The following NTN1 variants were observed in gnomAD, a reference collection of about 807,000 sequenced individuals.
NTN1 encodes the protein netrin 1.
In NTN1, 11 loss-of-function variants were observed where a neutral mutation model predicts 54.2. That is an observed-to-expected ratio of 0.20 (90% CI 0.13 to 0.34). The LOEUF is 0.34. NTN1 is among the 10% of genes least tolerant of loss of function. NTN1 has a pLI of 1.00. For missense variants in NTN1, 740 were observed against 893.1 expected (o/e 0.83, Z 2.18); for synonymous variants, 371 against 382.0 (o/e 0.97, Z 0.33).
At chr17:9,014,067 C>A in the NTN1 span, among the ~76,000 whole-genome samples, 2 of 152,194 alleles carry the variant, frequency 1.3e-5, no homozygotes, top group African/African-American at 4.8e-5. Context: ...GAGTTCTCAG[C>A]CAAGACACCT....
At chr17:9,056,404 G>T (rs1429833553) in intron 2 of NTN1, among the ~76,000 whole-genome samples, 4 of 152,210 alleles carry the variant, frequency 2.6e-5, no homozygotes, top group African/African-American at 7.2e-5. Flanking sequence ...CATCTTGTGG[G>T]CACGGTGAGG....
chr17:9,138,671 TG>T (rs2092288635), intron 2 of NTN1, among the ~76,000 whole-genome samples: 1 of 151,730 alleles, frequency 6.6e-6, no homozygotes, highest in East Asian at 1.9e-4. Context: ...GAGGCAGGGG[TG>T]GGGCAGACAG....
At position 9,034,529 on chromosome 17, in the gene NTN1, T is replaced by G. The variant is rs2091897379; in HGVS notation, c.1018+11138T>G. ...CCTCCGCCTCTCAGATTCAAGATAT[T>G]CTCCTACCTCAGCCTCCCGAGTAGC... On this transcript the variant is annotated intron_variant, in intron 2 of 6. Transcript: ENST00000173229. Among the ~76,000 whole-genome samples the G allele has an allele frequency of 3.3e-5, 5 of 151,172 alleles. No homozygotes were observed. In the Admixed American group the frequency reaches 3.3e-4, roughly 10 times the overall value.
At chr17:9,109,570 T>G (rs1431975821) in intron 2 of NTN1, among the ~76,000 whole-genome samples, 2 of 152,234 alleles carry the variant, frequency 1.3e-5, no homozygotes, top group African/African-American at 4.8e-5. Flanking sequence ...TTTTTCCTAT[T>G]ATAAACATTG....
intron 2 of NTN1, among the ~76,000 whole-genome samples, chr17:9,037,220 C>T (rs2091906259): frequency 6.6e-6 from 1 of 152,182 alleles, no homozygotes; most frequent in African/African-American, 2.4e-5. Flanking sequence ...TGTATGTTCT[C>T]TTCAATATCT....
chr17:9,080,607 G>A (rs2092067427), intron 2 of NTN1, among the ~76,000 whole-genome samples: 1 of 152,210 alleles, frequency 6.6e-6, no homozygotes, highest in South Asian at 2.1e-4. Context: ...TTGGTGGCTG[G>A]CAGCCTCCAG....
chr17:9,222,453 C>T (rs1474007023), intron 6 of NTN1, among the ~76,000 whole-genome samples: 1 of 152,238 alleles, frequency 6.6e-6, no homozygotes, highest in Non-Finnish European at 1.5e-5. Flanking sequence ...CATTGCTTAC[C>T]TGAGCCTCAG....
intron 2 of NTN1, among the ~76,000 whole-genome samples, chr17:9,102,385 T>TAA (rs138474896): frequency 1.7e-4 from 26 of 152,142 alleles, no homozygotes; most frequent in Non-Finnish European, 1.8e-4. Flanking sequence ...GGAAGCCCCT[T>TAA]AAAAAACCAT....
chr17:9,133,684 T>C lies in NTN1; in HGVS notation c.1019-29129T>C, dbSNP rs541045740. ...CTCACTGCAACCTCCACCTCCCGGGTTCAAGCGATTCTCCTGCCTCAGCCT... is the reference window on the plus strand; with the variant it reads ...CTCACTGCAACCTCCACCTCCCGGGCTCAAGCGATTCTCCTGCCTCAGCCT... On this transcript the variant is annotated intron_variant, in intron 2 of 6. Coordinates refer to ENST00000173229, the MANE Select transcript of NTN1 (RefSeq NM_004822.3). Among the ~76,000 whole-genome samples, 62 of 147,058 alleles carry C rather than the reference T, an allele frequency of 4.2e-4. 1 individual carries two copies. Among genetic ancestry groups the C allele is most frequent in the African/African-American group, 1.5e-3 (58 of 39,638 alleles).
intron 4 of NTN1, among the ~76,000 whole-genome samples, chr17:9,181,500 C>T (rs374400787): frequency 1.3e-5 from 2 of 152,290 alleles, no homozygotes; most frequent in East Asian, 3.9e-4. Context: ...CTTTTTAGGG[C>T]CAGCTTCCTA....
intron 6 of NTN1, among the ~76,000 whole-genome samples, chr17:9,237,957 A>G (rs1030370630): frequency 1.3e-5 from 2 of 152,170 alleles, no homozygotes; most frequent in Non-Finnish European, 1.5e-5. Flanking sequence ...TGCAAAGTTC[A>G]GGATGCCCAG....
chr17:9,241,362 A>G lies in NTN1; in HGVS notation c.*1394A>G, dbSNP rs1461727120. 2 of 152,538 alleles carry G rather than the reference A, an allele frequency of 1.3e-5. No homozygotes were observed. Among genetic ancestry groups the G allele is most frequent in the Non-Finnish European group, 2.9e-5 (2 of 68,334 alleles). 9.4% of individuals were successfully genotyped at this position (152,538 alleles called of 1,614,324 possible). Reference sequence around the variant, plus strand: ...ACTGTGCCCCAGCCCTCCTTCCAAAATCTCCTAGAGACACGGTCCTCAAGC... The same window carrying G: ...ACTGTGCCCCAGCCCTCCTTCCAAAGTCTCCTAGAGACACGGTCCTCAAGC... On this transcript the variant is annotated 3_prime_UTR_variant, in exon 7 of 7. Coordinates refer to ENST00000173229, the MANE Select transcript of NTN1 (RefSeq NM_004822.3).
chr17:9,202,563 GA>G (rs1426113923), intron 5 of NTN1, among the ~76,000 whole-genome samples: 1 of 152,150 alleles, frequency 6.6e-6, no homozygotes, highest in Non-Finnish European at 1.5e-5. Context: ...CCGGTGGGGG[GA>G]CTTCAGTATC....
chr17:9,128,626 G>A (rs1028940152), intron 2 of NTN1, among the ~76,000 whole-genome samples: 5 of 152,128 alleles, frequency 3.3e-5, no homozygotes, highest in East Asian at 1.9e-4. Flanking sequence ...GCACCTGGTC[G>A]TTTTCCTTGG....
chr17:9,095,203 G>A (rs912167901), intron 2 of NTN1, among the ~76,000 whole-genome samples: 4 of 152,070 alleles, frequency 2.6e-5, no homozygotes, highest in African/African-American at 9.7e-5. Context: ...TAAATTATTT[G>A]TTATTTCAAT....
chr17:9,238,795 C>T (rs1597556268), intron 6 of NTN1, among the ~76,000 whole-genome samples: 1 of 152,190 alleles, frequency 6.6e-6, no homozygotes, highest in Admixed American at 6.5e-5. Flanking sequence ...CATCTGGTAA[C>T]ATTTGTCCTC....
At position 9,172,280 on chromosome 17, in the gene NTN1, G is replaced by A. The variant is rs375889209; in HGVS notation, c.1208-7527G>A. On this transcript the variant is annotated intron_variant, in intron 3 of 6. Coordinates refer to ENST00000173229, the MANE Select transcript of NTN1 (RefSeq NM_004822.3). ...TGGGAGGCCGAGGAGGGCAGATCAC[G>A]AGGTCAGGAGATCGAGACCATCCTG... Among the ~76,000 whole-genome samples the A allele has an allele frequency of 2.6e-5, 4 of 151,516 alleles. No individual in the cohort carries two copies. The East Asian group carries it at 6.0e-4, about 23-fold the overall frequency.
chr17:9,111,558 G>A (rs1282648862), intron 2 of NTN1, among the ~76,000 whole-genome samples: 1 of 151,916 alleles, frequency 6.6e-6, no homozygotes, highest in Non-Finnish European at 1.5e-5. Flanking sequence ...CAACTTAGGG[G>A]GTTTAGAGGC....
intron 5 of NTN1, among the ~76,000 whole-genome samples, chr17:9,199,361 T>C (rs1472848782): frequency 6.6e-6 from 1 of 152,192 alleles, no homozygotes; most frequent in Non-Finnish European, 1.5e-5. Flanking sequence ...AGGCTGGTCT[T>C]GAAGTCCTGA....
Sources: gnomAD v4.1 joint callset for allele counts (sites outside exome capture counted in the v4.1 genomes callset) on GRCh38, gnomAD v4.1.1 for gene constraint, MANE v1.5 for transcripts, NCBI Gene and HGNC (gene_info 2026-07-23, HGNC 2026-07-21) for gene names.